Variants in COL4A4 observed in about 807,000 individuals in gnomAD.
The protein encoded by COL4A4 is collagen alpha-4(IV) chain.
A neutral mutation model predicts 192.9 loss-of-function variants in COL4A4; 105 were observed. The observed-to-expected ratio is 0.54, with a 90% CI of 0.46 to 0.64. The LOEUF (loss-of-function observed/expected upper bound fraction) is 0.64. COL4A4 is among the 30% of genes least tolerant of loss of function. The pLI, the probability that COL4A4 is intolerant of heterozygous loss-of-function variation, is 0.00. For missense variants in COL4A4, 1,967 were observed against 2,169.3 expected (o/e 0.91, Z 1.85); for synonymous variants, 762 against 769.9 (o/e 0.99, Z 0.17).
the COL4A4 span, chr2:226,997,258 AT>A: frequency 6.6e-6 from 1 of 152,230 alleles, no homozygotes; most frequent in Non-Finnish European, 1.5e-5. Context: ...ATGTGTTTAA[AT>A]TAAAATATTC....
At chr2:227,025,775 A>G in intron 43 of COL4A4, 27 bp downstream of exon 43, 1 of 1,607,614 alleles carries the variant, frequency 6.2e-7, no homozygotes, top group Middle Eastern at 1.7e-4. Context: ...AGTGAGGGGA[A>G]ATTACCAATT....
intron 30 of COL4A4, among the ~76,000 whole-genome samples, 156 bp downstream of exon 30, chr2:227,055,789 G>A (rs1248111278): frequency 1.3e-5 from 2 of 152,130 alleles, no homozygotes; most frequent in East Asian, 1.9e-4. Flanking sequence ...TGGAAATAAC[G>A]ATACAGAGGA....
chr2:227,088,528 C>G, intron 22 of COL4A4, 125 bp downstream of exon 22: 1 of 1,271,006 alleles, frequency 7.9e-7, no homozygotes, highest in Non-Finnish European at 1.1e-6. Context: ...TACAGAACTG[C>G]GAGTCAATTA....
chr2:227,103,059 A>C, intron 14 of COL4A4, 85 bp downstream of exon 14: 1 of 1,271,482 alleles, frequency 7.9e-7, no homozygotes, highest in Admixed American at 1.9e-5. Flanking sequence ...ACTTAAAGCA[A>C]TGATAAAGAC....
At chr2:227,061,863 C>A (rs936367633) in intron 26 of COL4A4, among the ~76,000 whole-genome samples, 1 of 152,080 alleles carries the variant, frequency 6.6e-6, no homozygotes, top group Non-Finnish European at 1.5e-5. Context: ...AATGTTGGTT[C>A]TCTTGGAAAG....
chr2:227,006,548 A>AT lies in COL4A4; in HGVS notation c.*776dup, dbSNP rs1559390891. The AT allele has an allele frequency of 8.7e-6, 1 of 114,748 alleles. No homozygotes were observed. Among genetic ancestry groups the AT allele is most frequent in the Non-Finnish European group, 1.8e-5 (1 of 56,416 alleles). The allele number at this position is 114,748 out of a possible 1,614,324, so 7.1% of individuals were successfully genotyped here. On this transcript the variant is annotated 3_prime_UTR_variant, in exon 48 of 48. Transcript: ENST00000396625. ...TTTTAGGCTCCTAATCTCTTATTGA[A>AT]TATTTTTTTTCCATAATTGCTACTT...
the COL4A4 span, among the ~76,000 whole-genome samples, chr2:226,983,086 G>C: frequency 6.6e-6 from 1 of 152,182 alleles, no homozygotes. Context: ...AATGGTCAAA[G>C]GCAAACATAA....
chr2:227,011,809 G>A (rs12470666), intron 45 of COL4A4, among the ~76,000 whole-genome samples: 50,997 of 152,056 alleles, frequency 0.34, 9,627 homozygotes, highest in South Asian at 0.48. Context: ...CACACACACC[G>A]TCCCTGAGGT....
In COL4A4 at chr2:227,103,867, T is replaced by C. The variant is rs187722104; in HGVS notation, c.816+105A>G. On this transcript the variant is annotated intron_variant, in intron 13 of 47. Transcript: ENST00000396625. ...CTTATTAAAGTAGGTTTGAAACTAG[T>C]GCAGTGATGCATAGAAAGACCTCTA... 83 of 807,172 alleles carry C rather than the reference T, an allele frequency of 1.0e-4. No individual in the cohort carries two copies. In the Admixed American group the frequency reaches 1.6e-3, roughly 16 times the overall value. 50.0% of individuals were successfully genotyped at this position (807,172 alleles called of 1,614,324 possible). A position where few individuals can be genotyped will look rare whatever the true frequency, so the allele number is the denominator to read the frequency against.
chr2:227,034,835 C>T lies in COL4A4; in HGVS notation c.3506-1354G>A, dbSNP rs373412537. Among the ~76,000 whole-genome samples the T allele has an allele frequency of 9.0e-3, 1,334 of 147,480 alleles. 17 individuals are homozygous for T. The highest frequency in any genetic ancestry group is 0.031 in the African/African-American group (1,247 of 39,852). ...TGTGGTGTTTGGTTTTTTGTTCTTG[C>T]GATAGTTTACTGAGAATGATGATTT... On this transcript the variant is annotated intron_variant, in intron 37 of 47. Coordinates refer to ENST00000396625, the MANE Select transcript of COL4A4 (RefSeq NM_000092.5).
intron 15 of COL4A4, among the ~76,000 whole-genome samples, chr2:227,102,320 C>T (rs2060567713): frequency 1.3e-5 from 2 of 152,224 alleles, no homozygotes; most frequent in Non-Finnish European, 2.9e-5. Context: ...CCATTCAGTA[C>T]TAAATCTAGA....
rs182594073 is a variant in COL4A4, at chr2:227,016,015, C to G, written c.4217-3718G>C. Reference sequence around the variant, plus strand: ...TAAAGGTACATCTCCCATCTCCTACCACATCCTTCCCTACATAAATGGTCT... The same window carrying G: ...TAAAGGTACATCTCCCATCTCCTACGACATCCTTCCCTACATAAATGGTCT... On this transcript the variant is annotated intron_variant, in intron 44 of 47. Coordinates refer to ENST00000396625, the MANE Select transcript of COL4A4 (RefSeq NM_000092.5). Among the ~76,000 whole-genome samples, 325 of 152,114 alleles carry G rather than the reference C, an allele frequency of 2.1e-3. 2 individuals are homozygous for G. The highest frequency in any genetic ancestry group is 7.6e-3 in the African/African-American group (314 of 41,500).
chr2:227,161,551 G>A (rs186636120), intron 1 of COL4A4, among the ~76,000 whole-genome samples: 190 of 152,136 alleles, frequency 1.2e-3, no homozygotes, highest in African/African-American at 4.0e-3. Flanking sequence ...CCACCTGTTT[G>A]TTTGACAGGT....
At chr2:226,983,365 TG>T in the COL4A4 span, among the ~76,000 whole-genome samples, 2 of 152,244 alleles carry the variant, frequency 1.3e-5, no homozygotes. Context: ...ACGGAAGTAT[TG>T]GGTAGCTGTG....
chr2:226,995,726 T>C, the COL4A4 span: 1 of 586,734 alleles, frequency 1.7e-6, no homozygotes, highest in Non-Finnish European at 3.0e-6. Context: ...CTCCTGGCCT[T>C]GTTCTTGCTC....
At chr2:227,080,811 T>C (rs1354782254) in intron 23 of COL4A4, among the ~76,000 whole-genome samples, 2 of 152,158 alleles carry the variant, frequency 1.3e-5, no homozygotes, top group Non-Finnish European at 2.9e-5. Context: ...CACAGAATCT[T>C]CCCCTACCTG....
intron 1 of COL4A4, among the ~76,000 whole-genome samples, chr2:227,162,128 C>T (rs1249443923): frequency 6.6e-6 from 1 of 152,174 alleles, no homozygotes; most frequent in African/African-American, 2.4e-5. Context: ...TTCAAAACTC[C>T]AGAGTCTACT....
chr2:226,984,849 G>A, the COL4A4 span, among the ~76,000 whole-genome samples: 12 of 147,870 alleles, frequency 8.1e-5, no homozygotes, highest in African/African-American at 2.7e-4. Flanking sequence ...TCTGAACCAG[G>A]CATCAGGCAC....
the COL4A4 span, among the ~76,000 whole-genome samples, chr2:226,991,570 A>G: frequency 2.6e-5 from 4 of 152,232 alleles, no homozygotes; most frequent in East Asian, 7.7e-4. Context: ...GAGATGAACA[A>G]TCATACCATC....
Sources: allele counts gnomAD v4.1 joint callset (sites outside exome capture counted in the v4.1 genomes callset), GRCh38; gene constraint gnomAD v4.1.1; transcripts MANE v1.5; gene names NCBI Gene and HGNC (gene_info 2026-07-23, HGNC 2026-07-21).